The following AGMO variants were observed in gnomAD, a reference collection of about 807,000 sequenced individuals.
AGMO encodes the protein glyceryl-ether monooxygenase.
In AGMO, 75 loss-of-function variants were observed where a neutral mutation model predicts 60.2. The ratio of observed to expected loss-of-function variants is 1.25; its 90% CI spans 1.03 to 1.51. AGMO has a LOEUF of 1.51. AGMO is among the 40% of genes most tolerant of loss of function. The pLI is 0.00. For missense variants in AGMO, 763 were observed against 525.5 expected (o/e 1.45, Z -4.42); for synonymous variants, 261 against 177.1 (o/e 1.47, Z -3.76).
At chr7:15,325,837 T>C (rs779691587) in intron 12 of AGMO, among the ~76,000 whole-genome samples, 11 of 152,182 alleles carry the variant, frequency 7.2e-5, no homozygotes, top group Non-Finnish European at 4.4e-5. Flanking sequence ...TACAACATTT[T>C]ACTATAGCAA....
rs575537896 is a variant in AGMO, at chr7:15,517,526, C to T, written c.409+27246G>A. On this transcript the variant is annotated intron_variant, in intron 3 of 12. Transcript: ENST00000342526. Reference sequence around the variant, plus strand: ...GCAGCCCAAGGAGGCCAAGCAGAAGCAGGGTGGGGCATCGCCTCACCCGGG... The same window carrying T: ...GCAGCCCAAGGAGGCCAAGCAGAAGTAGGGTGGGGCATCGCCTCACCCGGG... 2.0e-5 allele frequency among the ~76,000 whole-genome samples: 3 copies of T among 151,472 alleles called. No homozygotes were observed. The East Asian group carries it at 5.9e-4, about 30-fold the overall frequency.
chr7:15,420,969 A>C (rs1288166677), intron 4 of AGMO, among the ~76,000 whole-genome samples: 1 of 152,200 alleles, frequency 6.6e-6, no homozygotes, highest in Non-Finnish European at 1.5e-5. Context: ...TGTTTGAGGA[A>C]AGAATGAATA....
intron 3 of AGMO, among the ~76,000 whole-genome samples, chr7:15,512,898 G>C (rs915862826): frequency 4.6e-5 from 7 of 151,334 alleles, no homozygotes; most frequent in Non-Finnish European, 1.0e-4. Context: ...ATTGAGTAAT[G>C]TTCTCTTCTG....
chr7:15,467,136 AAT>A (rs1260875446), intron 3 of AGMO, among the ~76,000 whole-genome samples: 1 of 152,192 alleles, frequency 6.6e-6, no homozygotes, highest in Non-Finnish European at 1.5e-5. Context: ...TATTCAGTGT[AAT>A]AGTCTCTGGG....
rs1438189911 is a variant in AGMO, at chr7:15,530,773, CTA to C, written c.409+13997_409+13998del. Among the ~76,000 whole-genome samples, 9 of 129,476 alleles carry C rather than the reference CTA, an allele frequency of 7.0e-5. No homozygotes were observed. The South Asian group carries it at 2.1e-3, about 31-fold the overall frequency. 84.9% of individuals were successfully genotyped at this position (129,476 alleles called of 152,430 possible). A position where few individuals can be genotyped will look rare whatever the true frequency, so the allele number is the denominator to read the frequency against. On this transcript the variant is annotated intron_variant, in intron 3 of 12. Transcript: ENST00000342526. ...ATATAGATATTCTATATATACATTT[CTA>C]TATATATTCTATATATACATTTCTC...
At chr7:15,494,338 T>A (rs970775865) in intron 3 of AGMO, among the ~76,000 whole-genome samples, 3 of 152,346 alleles carry the variant, frequency 2.0e-5, no homozygotes, top group African/African-American at 7.2e-5. Context: ...ATACCAGATC[T>A]AGAGCATTAT....
chr7:15,272,471 A>T (rs997995790), intron 12 of AGMO, among the ~76,000 whole-genome samples: 2 of 151,974 alleles, frequency 1.3e-5, no homozygotes, highest in Admixed American at 1.3e-4. Flanking sequence ...ATCATTTTTT[A>T]TGGCTGCATA....
chr7:15,390,623 T>C (rs990152230), intron 8 of AGMO, 48 bp downstream of exon 8: 2 of 1,402,158 alleles, frequency 1.4e-6, no homozygotes, highest in African/African-American at 1.4e-5. Flanking sequence ...AACTATAAGA[T>C]TTATGAAATG....
chr7:15,335,193 G>A (rs1470355400), intron 12 of AGMO, among the ~76,000 whole-genome samples: 1 of 152,126 alleles, frequency 6.6e-6, no homozygotes, highest in Non-Finnish European at 1.5e-5. Flanking sequence ...AGTTTTCAGT[G>A]GGTTAGGATT....
chr7:15,323,206 A>G (rs866816974), intron 12 of AGMO, among the ~76,000 whole-genome samples: 1 of 152,110 alleles, frequency 6.6e-6, no homozygotes, highest in Non-Finnish European at 1.5e-5. Flanking sequence ...GCAGATGAAG[A>G]GCAAGATAAT....
At position 15,242,975 on chromosome 7, in the gene AGMO, T is replaced by G. The variant is rs1035185975; in HGVS notation, c.1264-41616A>C. Among the ~76,000 whole-genome samples, 2 of 152,022 alleles carry G rather than the reference T, an allele frequency of 1.3e-5. 1 individual carries two copies. Among genetic ancestry groups the G allele is most frequent in the African/African-American group, 4.8e-5 (2 of 41,412 alleles). ...ATTTTAAGTCAAAAAATAAGCATTA[T>G]TGGTAAGAACTGGGGCAAGATGTCA... On this transcript the variant is annotated intron_variant, in intron 12 of 12. Transcript: ENST00000342526.
intron 3 of AGMO, among the ~76,000 whole-genome samples, chr7:15,493,456 C>G (rs1275395866): frequency 6.9e-6 from 1 of 145,396 alleles, no homozygotes; most frequent in Non-Finnish European, 1.5e-5. Flanking sequence ...TCACTGCAAG[C>G]TCCGCCTCCC....
rs370437254 is a variant in AGMO, at chr7:15,432,361, T to TATACAC, written c.410-1254_410-1253insGTGTAT. 2.0e-4 allele frequency among the ~76,000 whole-genome samples: 25 copies of TATACAC among 123,914 alleles called. 1 individual carries two copies. Among genetic ancestry groups the TATACAC allele is most frequent in the African/African-American group, 7.3e-4 (24 of 32,876 alleles). 81.3% of individuals were successfully genotyped at this position (123,914 alleles called of 152,430 possible). A position where few individuals can be genotyped will look rare whatever the true frequency, so the allele number is the denominator to read the frequency against. ...ATATATATATACATACATATATATA[T>TATACAC]ACACACACATATATATATACACTAT... On this transcript the variant is annotated intron_variant, in intron 3 of 12. Transcript: ENST00000342526.
intron 3 of AGMO, 75 bp from the exon 4 acceptor site, chr7:15,431,183 C>T (rs978396636): frequency 3.0e-6 from 3 of 1,007,868 alleles, no homozygotes; most frequent in Non-Finnish European, 4.6e-6. Flanking sequence ...ATGCATGCTG[C>T]TCTGTTGAGT....
intron 3 of AGMO, among the ~76,000 whole-genome samples, chr7:15,460,213 T>C (rs1299514346): frequency 6.6e-6 from 1 of 150,444 alleles, no homozygotes; most frequent in Non-Finnish European, 1.5e-5. Flanking sequence ...TTCAAGAGAC[T>C]CTCCTGCCTC....
At chr7:15,346,246 A>T (rs1254280823) in intron 12 of AGMO, among the ~76,000 whole-genome samples, 1 of 152,132 alleles carries the variant, frequency 6.6e-6, no homozygotes, top group East Asian at 1.9e-4. Context: ...CATTACATGG[A>T]CTCTACATTA....
At chr7:15,313,819 T>A (rs770477311) in intron 12 of AGMO, among the ~76,000 whole-genome samples, 1 of 152,018 alleles carries the variant, frequency 6.6e-6, no homozygotes, top group Admixed American at 6.6e-5. Context: ...TAACTAATAA[T>A]AACATAGTAC....
At chr7:15,122,629 C>T in the AGMO span, among the ~76,000 whole-genome samples, 1 of 152,120 alleles carries the variant, frequency 6.6e-6, no homozygotes, top group Non-Finnish European at 1.5e-5. Context: ...TACCCTTTCG[C>T]TTGCTCAAGC....
intron 4 of AGMO, among the ~76,000 whole-genome samples, chr7:15,419,074 G>A (rs1780858803): frequency 6.6e-6 from 1 of 151,764 alleles, no homozygotes; most frequent in African/African-American, 2.4e-5. Context: ...ATAATAATGT[G>A]AAATTATAAT....
Sources: gnomAD v4.1 joint callset for allele counts (sites outside exome capture counted in the v4.1 genomes callset) on GRCh38, gnomAD v4.1.1 for gene constraint, MANE v1.5 for transcripts, NCBI Gene and HGNC (gene_info 2026-07-23, HGNC 2026-07-21) for gene names.